TIAM2: variants seen among roughly 807,000 people sequenced by gnomAD.
The protein encoded by TIAM2 is rho guanine nucleotide exchange factor TIAM2.
Under a neutral mutation model 152.9 loss-of-function variants are expected in TIAM2, and 80 were observed. That is an observed-to-expected ratio of 0.52 (90% CI 0.44 to 0.63). TIAM2 has a LOEUF of 0.63. Ranked by LOEUF, TIAM2 falls within the 30% of genes least tolerant of loss-of-function variation. TIAM2 has a pLI of 0.00. For synonymous variants in TIAM2, 804 were observed against 838.0 expected (o/e 0.96, Z 0.70); for missense variants, 1,965 against 2,120.1 (o/e 0.93, Z 1.44).
chr6:154,996,795 C>A (rs150661389), intron 1 of TIAM2, among the ~76,000 whole-genome samples: 20 of 152,294 alleles, frequency 1.3e-4, no homozygotes, highest in African/African-American at 4.1e-4. Context: ...ATGATTGGTG[C>A]AGTTTTGTAA....
chr6:155,153,455 A>T (rs1780022483), intron 7 of TIAM2, among the ~76,000 whole-genome samples: 2 of 152,232 alleles, frequency 1.3e-5, no homozygotes, highest in Admixed American at 1.3e-4. Context: ...AAAGAAAAAA[A>T]AAAGAAATTC....
At chr6:155,098,196 T>C (rs533153150) in intron 2 of TIAM2, among the ~76,000 whole-genome samples, 87 of 152,302 alleles carry the variant, frequency 5.7e-4, no homozygotes, top group African/African-American at 1.9e-3. Context: ...ACCTTTTTTT[T>C]CCTATTTTTG....
At chr6:155,026,174 AT>A (rs1269700583) in intron 1 of TIAM2, among the ~76,000 whole-genome samples, 39 of 152,204 alleles carry the variant, frequency 2.6e-4, no homozygotes, top group African/African-American at 9.4e-4. Context: ...TAGGTACTAG[AT>A]AAAAAAAGAA....
rs545694970 is a variant in TIAM2 at position 155,042,830 on chromosome 6, A to G, written c.-209+47338A>G. Among the ~76,000 whole-genome samples the G allele has an allele frequency of 9.9e-5, 15 of 152,232 alleles. No individual in the cohort carries two copies. In the South Asian group the frequency reaches 3.1e-3, roughly 32 times the overall value. ...AGTATACAACACATTGTTAGTAACT[A>G]TAGTTTCCATGTTGTACAATAGAGC... On this transcript the variant is annotated intron_variant, in intron 1 of 26. Coordinates refer to ENST00000682666, the MANE Select transcript of TIAM2 (RefSeq NM_012454.4).
chr6:155,250,129 A>G (rs1203689458), intron 21 of TIAM2, among the ~76,000 whole-genome samples, 160 bp downstream of exon 21: 1 of 152,200 alleles, frequency 6.6e-6, no homozygotes, highest in Non-Finnish European at 1.5e-5. Context: ...ATTTACATAT[A>G]GACATATCAT....
At chr6:155,119,521 G>A (rs1430084467) in intron 2 of TIAM2, among the ~76,000 whole-genome samples, 3 of 150,688 alleles carry the variant, frequency 2.0e-5, no homozygotes, top group African/African-American at 7.3e-5. Context: ...TGTATTTTTG[G>A]TAGAGATGGG....
intron 17 of TIAM2, 101 bp from the exon 18 acceptor site, chr6:155,244,557 G>T: frequency 7.2e-7 from 1 of 1,395,096 alleles, no homozygotes; most frequent in Non-Finnish European, 9.8e-7. Flanking sequence ...CTGCTTTTCC[G>T]TGAAGAATTT....
At chr6:155,231,015 T>C (rs1181817610) in intron 15 of TIAM2, among the ~76,000 whole-genome samples, 1 of 146,654 alleles carries the variant, frequency 6.8e-6, no homozygotes, top group African/African-American at 2.5e-5. Flanking sequence ...TTTTTTTTTG[T>C]ATTTTTAGTA....
At chr6:155,103,707 G>T in intron 2 of TIAM2, among the ~76,000 whole-genome samples, 1 of 124,600 alleles carries the variant, frequency 8.0e-6, no homozygotes, top group Non-Finnish European at 1.6e-5. Flanking sequence ...CTGGGCAACA[G>T]AGTGAGACTC....
intron 5 of TIAM2, among the ~76,000 whole-genome samples, chr6:155,139,268 C>T (rs1779633144): frequency 6.6e-6 from 1 of 152,222 alleles, no homozygotes; most frequent in African/African-American, 2.4e-5. Flanking sequence ...GCCTTCGTTA[C>T]CACAAGCCCC....
At chr6:155,250,532 T>C (rs1247421540) in intron 21 of TIAM2, 2 of 1,535,714 alleles carry the variant, frequency 1.3e-6, no homozygotes, top group South Asian at 1.2e-5. Flanking sequence ...GGTGCTCTTT[T>C]ATCAGCAGCC....
intron 1 of TIAM2, among the ~76,000 whole-genome samples, chr6:155,063,373 C>A (rs1432478649): frequency 6.6e-6 from 1 of 151,902 alleles, no homozygotes; most frequent in Non-Finnish European, 1.5e-5. Context: ...ATGGAGAGTA[C>A]ATGTTGTGCG....
chr6:155,220,277 C>T (rs1376596430), intron 15 of TIAM2, among the ~76,000 whole-genome samples: 3 of 152,204 alleles, frequency 2.0e-5, no homozygotes, highest in Admixed American at 6.5e-5. Flanking sequence ...AGTTATTGAA[C>T]GAGACTTTGG....
At chr6:155,016,886 C>T (rs183767194) in intron 1 of TIAM2, among the ~76,000 whole-genome samples, 125 of 152,136 alleles carry the variant, frequency 8.2e-4, no homozygotes, top group East Asian at 4.8e-3. Context: ...GGTGATAGAG[C>T]GAGACTCCAT....
At chr6:155,051,828 C>T (rs990461762) in intron 1 of TIAM2, among the ~76,000 whole-genome samples, 2 of 151,868 alleles carry the variant, frequency 1.3e-5, no homozygotes, top group Non-Finnish European at 2.9e-5. Context: ...TTATTAGAGA[C>T]GGGGTTTCAC....
At chr6:155,047,751 G>A (rs1449164561) in intron 1 of TIAM2, among the ~76,000 whole-genome samples, 1 of 146,272 alleles carries the variant, frequency 6.8e-6, no homozygotes, top group South Asian at 2.2e-4. Context: ...GAGAGCGAGC[G>A]CACAGAAGAC....
intron 5 of TIAM2, among the ~76,000 whole-genome samples, chr6:155,140,522 G>A (rs916907321): frequency 6.6e-6 from 1 of 151,840 alleles, no homozygotes; most frequent in East Asian, 1.9e-4. Flanking sequence ...CTAGTGGTGG[G>A]GGTTAGACTG....
At chr6:155,158,569 T>G (rs1780180020) in intron 7 of TIAM2, among the ~76,000 whole-genome samples, 1 of 152,088 alleles carries the variant, frequency 6.6e-6, no homozygotes, top group Non-Finnish European at 1.5e-5. Flanking sequence ...ACTTTTTTTT[T>G]TTTGACAGGG....
At chr6:155,022,173 G>T (rs939464679) in intron 1 of TIAM2, among the ~76,000 whole-genome samples, 2 of 152,170 alleles carry the variant, frequency 1.3e-5, no homozygotes, top group Admixed American at 6.5e-5. Context: ...CATTTGAGAA[G>T]AAAATATTGA....
Sources: gnomAD v4.1 joint callset for allele counts (sites outside exome capture counted in the v4.1 genomes callset) on GRCh38, gnomAD v4.1.1 for gene constraint, MANE v1.5 for transcripts, NCBI Gene and HGNC (gene_info 2026-07-23, HGNC 2026-07-21) for gene names.